Variants in LINGO2 observed in about 807,000 individuals in gnomAD.
The protein encoded by LINGO2 is leucine rich repeat and Ig domain containing 2, also known as leucine-rich repeat and immunoglobulin-like domain-containing nogo receptor-interacting protein 2.
Under a neutral mutation model 30.6 loss-of-function variants are expected in LINGO2, and 14 were observed. That is an observed-to-expected ratio of 0.46 (90% CI 0.30 to 0.72). The LOEUF (loss-of-function observed/expected upper bound fraction) is 0.72, where lower values mean the gene tolerates loss of function less well. LINGO2 is among the 30% of genes least tolerant of loss of function. The pLI, the probability that LINGO2 is intolerant of heterozygous loss-of-function variation, is 0.07. For synonymous variants in LINGO2, 317 were observed against 288.5 expected (o/e 1.10, Z -1.00); for missense variants, 729 against 751.7 (o/e 0.97, Z 0.35).
chr9:28,223,331 G>T (rs994316281), intron 4 of LINGO2, among the ~76,000 whole-genome samples: 1 of 152,196 alleles, frequency 6.6e-6, no homozygotes, highest in African/African-American at 2.4e-5. Context: ...GGGGAGGAAT[G>T]CTGTGGTCTC....
the LINGO2 span, among the ~76,000 whole-genome samples, chr9:28,858,428 A>T: frequency 6.6e-6 from 1 of 152,104 alleles, no homozygotes; most frequent in African/African-American, 2.4e-5. Context: ...CTACTGTCTG[A>T]TAAATGAACT....
At chr9:28,985,200 G>A in the LINGO2 span, among the ~76,000 whole-genome samples, 1 of 151,998 alleles carries the variant, frequency 6.6e-6, no homozygotes, top group Non-Finnish European at 1.5e-5. Flanking sequence ...ACAGAATTTC[G>A]TTCTTTATTA....
At chr9:28,492,619 C>G in intron 1 of LINGO2, among the ~76,000 whole-genome samples, 1 of 152,100 alleles carries the variant, frequency 6.6e-6, no homozygotes, top group Non-Finnish European at 1.5e-5. Context: ...TCCTGAAATA[C>G]TAACAGCTGT....
intron 1 of LINGO2, among the ~76,000 whole-genome samples, chr9:28,493,628 G>A (rs2135277381): frequency 6.6e-6 from 1 of 152,150 alleles, no homozygotes; most frequent in Admixed American, 6.5e-5. Context: ...CTAGTGTGAT[G>A]GTTAATACTA....
upstream of LINGO2, among the ~76,000 whole-genome samples, chr9:28,670,672 T>C (rs1828975364): frequency 6.6e-6 from 1 of 152,188 alleles, no homozygotes; most frequent in Non-Finnish European, 1.5e-5. Flanking sequence ...GTTTAGCTTT[T>C]ACCACTGGCT....
chr9:28,281,434 T>C (rs1823321372), intron 4 of LINGO2, among the ~76,000 whole-genome samples: 1 of 151,398 alleles, frequency 6.6e-6, no homozygotes, highest in Admixed American at 6.6e-5. Flanking sequence ...TAAATTCATA[T>C]GCATATTCAT....
At chr9:29,146,879 A>T in the LINGO2 span, among the ~76,000 whole-genome samples, 2 of 152,200 alleles carry the variant, frequency 1.3e-5, no homozygotes, top group Non-Finnish European at 2.9e-5. Flanking sequence ...ACTCTAAAAC[A>T]CTGTACAACT....
chr9:28,133,293 C>A (rs912910801), intron 4 of LINGO2, among the ~76,000 whole-genome samples: 2 of 151,974 alleles, frequency 1.3e-5, no homozygotes, highest in African/African-American at 4.8e-5. Context: ...TGATTATTTA[C>A]ATATTAAAAG....
intron 5 of LINGO2, among the ~76,000 whole-genome samples, chr9:27,979,896 A>T (rs1245864236): frequency 6.6e-6 from 1 of 151,998 alleles, no homozygotes; most frequent in Non-Finnish European, 1.5e-5. Context: ...AACTGAGAAA[A>T]ATCAGTTTCA....
intron 4 of LINGO2, among the ~76,000 whole-genome samples, chr9:28,118,789 T>C (rs1161181041): frequency 6.6e-6 from 1 of 152,206 alleles, no homozygotes; most frequent in East Asian, 1.9e-4. Flanking sequence ...ATATGAAGTC[T>C]ACATCTAGTA....
intron 2 of LINGO2, among the ~76,000 whole-genome samples, chr9:28,402,555 C>T (rs1270788579): frequency 6.6e-6 from 1 of 151,892 alleles, no homozygotes; most frequent in African/African-American, 2.4e-5. Context: ...CTCTGCCCCA[C>T]TTCTCCTCCC....
chr9:28,037,308 A>AT lies in LINGO2; in HGVS notation c.-86-24904dup, dbSNP rs552051952. On this transcript the variant is annotated intron_variant, in intron 4 of 5. Transcript: ENST00000379992. Reference sequence around the variant, plus strand: ...GGGCGCACTAAGTTGCTCTAGCACCATCTCTTGCCATTTCTAGACTTAAAC... The same window carrying AT: ...GGGCGCACTAAGTTGCTCTAGCACCATTCTCTTGCCATTTCTAGACTTAAAC... Among the ~76,000 whole-genome samples the AT allele has an allele frequency of 3.3e-4, 51 of 152,322 alleles. No individual in the cohort carries two copies. The South Asian group carries it at 0.011, about 32-fold the overall frequency.
the LINGO2 span, among the ~76,000 whole-genome samples, chr9:29,195,459 A>T: frequency 6.6e-6 from 1 of 151,838 alleles, no homozygotes; most frequent in African/African-American, 2.4e-5. Flanking sequence ...TTTATATGAA[A>T]CTTCCAAATT....
intron 3 of LINGO2, among the ~76,000 whole-genome samples, chr9:28,344,810 G>C (rs937253550): frequency 6.6e-6 from 1 of 152,070 alleles, no homozygotes; most frequent in South Asian, 2.1e-4. Context: ...CCATCATTTA[G>C]CTTAGCTAAC....
At chr9:28,583,520 CA>C (rs1166818020) in intron 1 of LINGO2, among the ~76,000 whole-genome samples, 1 of 152,012 alleles carries the variant, frequency 6.6e-6, no homozygotes, top group Non-Finnish European at 1.5e-5. Flanking sequence ...CTACTGTAAG[CA>C]AAACTGTTTC....
chr9:28,819,711 G>A, the LINGO2 span, among the ~76,000 whole-genome samples: 41 of 152,274 alleles, frequency 2.7e-4, no homozygotes, highest in African/African-American at 9.9e-4. Flanking sequence ...AGGCCAAGCA[G>A]GTCCTGTGGC....
the LINGO2 span, among the ~76,000 whole-genome samples, chr9:28,836,377 C>T: frequency 2.0e-5 from 3 of 152,136 alleles, no homozygotes; most frequent in South Asian, 2.1e-4. Context: ...TGCAATGGGG[C>T]GATCTCGGCT....
upstream of LINGO2, among the ~76,000 whole-genome samples, chr9:28,672,727 G>A (rs1276854713): frequency 6.6e-6 from 1 of 152,092 alleles, no homozygotes; most frequent in African/African-American, 2.4e-5. Flanking sequence ...TGTTTGAAAT[G>A]TGAATTTTAG....
At chr9:28,992,874 G>A in the LINGO2 span, among the ~76,000 whole-genome samples, 7 of 151,988 alleles carry the variant, frequency 4.6e-5, no homozygotes, top group South Asian at 1.3e-3. Flanking sequence ...AGTGTGTAGA[G>A]GGAAATTTAT....
Sources: allele counts gnomAD v4.1 joint callset (sites outside exome capture counted in the v4.1 genomes callset), GRCh38; gene constraint gnomAD v4.1.1; transcripts MANE v1.5; gene names NCBI Gene and HGNC (gene_info 2026-07-23, HGNC 2026-07-21).